The following DLGAP2 variants were observed in gnomAD, a reference collection of about 807,000 sequenced individuals.
DLGAP2 encodes the protein disks large-associated protein 2.
In DLGAP2, 26 loss-of-function variants were observed where a neutral mutation model predicts 100.3. The ratio of observed to expected loss-of-function variants is 0.26; its 90% CI spans 0.19 to 0.36. The LOEUF is 0.36. Among genes scored for constraint, DLGAP2 ranks in the 10% least tolerant of loss-of-function variants. The probability of loss-of-function intolerance (pLI) is 1.00; values close to 1 mark genes in which losing one functional copy is unlikely to be tolerated. For missense variants in DLGAP2, 1,858 were observed against 1,453.2 expected, an observed-to-expected ratio of 1.28 and a Z score of -4.53; for synonymous variants, 886 against 630.1, an observed-to-expected ratio of 1.41 and a Z score of -6.08.
chr8:1,239,801 TA>T (rs1334018013), intron 2 of DLGAP2, among the ~76,000 whole-genome samples: 12 of 46,562 alleles, frequency 2.6e-4, no homozygotes, highest in African/African-American at 4.2e-4. Context: ...CGTGTCTAGT[TA>T]CGTCTCACAG....
chr8:1,697,636 A>C (rs1306761016), intron 14 of DLGAP2, among the ~76,000 whole-genome samples: 1 of 152,202 alleles, frequency 6.6e-6, no homozygotes, highest in Non-Finnish European at 1.5e-5. Context: ...TCACCTATGA[A>C]TTATCTTTAT....
At chr8:1,352,895 G>A (rs1051928315) in intron 3 of DLGAP2, among the ~76,000 whole-genome samples, 2 of 152,344 alleles carry the variant, frequency 1.3e-5, no homozygotes, top group East Asian at 1.9e-4. Flanking sequence ...GAGAGCCTGA[G>A]AATGGGGCCT....
intron 2 of DLGAP2, among the ~76,000 whole-genome samples, chr8:1,216,380 A>T (rs932540636): frequency 6.6e-6 from 1 of 151,730 alleles, no homozygotes; most frequent in Non-Finnish European, 1.5e-5. Flanking sequence ...GCAGGGTCTC[A>T]CTCTGTTGCC....
intron 2 of DLGAP2, among the ~76,000 whole-genome samples, chr8:1,206,546 AGCG>A: frequency 1.3e-5 from 2 of 151,014 alleles, no homozygotes; most frequent in Admixed American, 6.6e-5. Context: ...GTAGACTGTG[AGCG>A]GTTAATCTCC....
At chr8:1,488,943 A>G (rs1348573707) in intron 3 of DLGAP2, among the ~76,000 whole-genome samples, 1 of 152,150 alleles carries the variant, frequency 6.6e-6, no homozygotes, top group Non-Finnish European at 1.5e-5. Flanking sequence ...ACCATTTCAG[A>G]TCTTTTTTCA....
chr8:930,515 A>T (rs1056908954), intron 2 of DLGAP2, among the ~76,000 whole-genome samples: 3 of 152,194 alleles, frequency 2.0e-5, no homozygotes, highest in Admixed American at 6.5e-5. Flanking sequence ...GGGGACTTCA[A>T]TGCTGAGTCT....
intron 2 of DLGAP2, among the ~76,000 whole-genome samples, chr8:1,084,651 T>C (rs1485940107): frequency 1.3e-5 from 2 of 152,242 alleles, no homozygotes; most frequent in Admixed American, 1.3e-4. Flanking sequence ...GCCTGGCTTC[T>C]TTCAGTTAGC....
At chr8:1,518,087 G>A (rs1800456728) in intron 4 of DLGAP2, among the ~76,000 whole-genome samples, 1 of 152,216 alleles carries the variant, frequency 6.6e-6, no homozygotes, top group South Asian at 2.1e-4. Context: ...GGAGTCTGGT[G>A]CATCTCAGAC....
intron 8 of DLGAP2, among the ~76,000 whole-genome samples, chr8:1,666,315 C>G (rs1412176864): frequency 1.3e-5 from 2 of 152,232 alleles, no homozygotes; most frequent in African/African-American, 4.8e-5. Flanking sequence ...TTCATAACAT[C>G]TGATCATCCT....
chr8:1,606,893 C>A lies in DLGAP2; in HGVS notation c.1443-19847C>A, dbSNP rs561434703. 4.9e-4 allele frequency among the ~76,000 whole-genome samples: 75 copies of A among 152,290 alleles called. No individual in the cohort carries two copies. The South Asian group carries it at 9.1e-3, about 19-fold the overall frequency. The stretch of plus-strand genomic sequence containing the variant: ...AGAGACGAGATTTCATCATGTTGCC[C>A]AGGCTAGTCTCAAACTCCTAAGCTC... On this transcript the variant is annotated intron_variant, in intron 6 of 14. Coordinates refer to ENST00000637795, the MANE Select transcript of DLGAP2 (RefSeq NM_001346810.2).
intron 1 of DLGAP2, among the ~76,000 whole-genome samples, chr8:903,351 G>A (rs533038397): frequency 6.8e-4 from 104 of 152,130 alleles, no homozygotes; most frequent in African/African-American, 2.5e-3. Context: ...GGGAGGGGCG[G>A]TAGAAATAAC....
chr8:1,333,953 CAG>C (rs1300244675), intron 3 of DLGAP2, among the ~76,000 whole-genome samples: 2 of 152,232 alleles, frequency 1.3e-5, no homozygotes, highest in East Asian at 3.8e-4. Flanking sequence ...TGCGGTGGCA[CAG>C]GGGCCAACAC....
chr8:1,054,680 A>G (rs1018537671), intron 2 of DLGAP2, among the ~76,000 whole-genome samples: 2 of 152,230 alleles, frequency 1.3e-5, no homozygotes, highest in African/African-American at 4.8e-5. Context: ...AAATAAAACA[A>G]TGCACTATTC....
intron 6 of DLGAP2, among the ~76,000 whole-genome samples, chr8:1,588,174 A>G (rs1307381374): frequency 1.3e-5 from 2 of 152,248 alleles, no homozygotes; most frequent in African/African-American, 4.8e-5. Flanking sequence ...AGCAGCACGG[A>G]TAGTTCAGCT....
intron 2 of DLGAP2, among the ~76,000 whole-genome samples, chr8:1,164,201 G>GC (rs151304506): frequency 0.28 from 6,415 of 22,668 alleles, 758 homozygotes; most frequent in Middle Eastern, 0.36. Context: ...TTTTCTGTGA[G>GC]CCCCCAGGGC....
intron 3 of DLGAP2, among the ~76,000 whole-genome samples, chr8:1,353,269 G>C (rs1159274492): frequency 6.6e-6 from 1 of 152,228 alleles, no homozygotes; most frequent in East Asian, 1.9e-4. Flanking sequence ...AGACACATGT[G>C]AACAGAGGGA....
At chr8:1,113,490 G>C (rs1805023445) in intron 2 of DLGAP2, among the ~76,000 whole-genome samples, 1 of 152,096 alleles carries the variant, frequency 6.6e-6, no homozygotes, top group African/African-American at 2.4e-5. Flanking sequence ...TCCTGATTTA[G>C]CTCTCAGCTT....
At chr8:1,547,194 C>T (rs113824653) in intron 4 of DLGAP2, among the ~76,000 whole-genome samples, 4,131 of 152,296 alleles carry the variant, frequency 0.027, 206 homozygotes, top group African/African-American at 0.094. Context: ...TCGGCAGCTC[C>T]TCTGGTCATC....
intron 2 of DLGAP2, among the ~76,000 whole-genome samples, chr8:1,097,540 C>A (rs572890502): frequency 1.3e-5 from 1 of 79,978 alleles, no homozygotes; most frequent in Non-Finnish European, 2.6e-5. Context: ...CCACCTCCCT[C>A]TGCTCAGTAG....
Sources: allele counts gnomAD v4.1 joint callset (sites outside exome capture counted in the v4.1 genomes callset), GRCh38; gene constraint gnomAD v4.1.1; transcripts MANE v1.5; gene names NCBI Gene and HGNC (gene_info 2026-07-23, HGNC 2026-07-21).